Variants in NFATC1 observed in about 807,000 individuals in gnomAD.
The protein encoded by NFATC1 is nuclear factor of activated T cells 1, also known as nuclear factor of activated T-cells, cytoplasmic 1.
NFATC1 carries 22 observed loss-of-function variants against 76.0 expected under a neutral mutation model. That is an observed-to-expected ratio of 0.29 (90% confidence interval 0.21 to 0.41). The LOEUF is 0.41. Among genes scored for constraint, NFATC1 ranks in the 10% least tolerant of loss-of-function variants. The probability of loss-of-function intolerance (pLI) is 1.00; values close to 1 mark genes in which losing one functional copy is unlikely to be tolerated. For missense variants in NFATC1, 1,357 were observed against 1,337.7 expected, an observed-to-expected ratio of 1.01 and a Z score of -0.23; for synonymous variants, 704 against 613.1, an observed-to-expected ratio of 1.15 and a Z score of -2.19.
intron 7 of NFATC1, among the ~76,000 whole-genome samples, chr18:79,464,779 C>T (rs988753517): frequency 1.3e-5 from 2 of 148,894 alleles, no homozygotes; most frequent in South Asian, 2.1e-4. Context: ...GATCATGGCT[C>T]ACTGCAGCCT....
intron 8 of NFATC1, chr18:79,470,108 C>T (rs1489973040): frequency 3.5e-6 from 2 of 563,862 alleles, no homozygotes; most frequent in Non-Finnish European, 4.5e-6. Flanking sequence ...GCTCCAGGAC[C>T]TGCGTCCTCC....
At chr18:79,407,567 C>A (rs1365225843) in intron 1 of NFATC1, among the ~76,000 whole-genome samples, 1 of 152,216 alleles carries the variant, frequency 6.6e-6, no homozygotes, top group Non-Finnish European at 1.5e-5. Flanking sequence ...GCTGCCTCAG[C>A]CTCCCAAGTA....
chr18:79,422,402 G>C (rs2086125279), intron 2 of NFATC1: 1 of 151,994 alleles, frequency 6.6e-6, no homozygotes, highest in African/African-American at 2.4e-5. Context: ...TCCGAGAAGA[G>C]TCCGCGTGTG....
At chr18:79,435,342 T>TGGTTTTG (rs2086734985) in intron 3 of NFATC1, among the ~76,000 whole-genome samples, 1 of 149,984 alleles carries the variant, frequency 6.7e-6, no homozygotes, top group African/African-American at 2.5e-5. Flanking sequence ...TTTTGTTTTT[T>TGGTTTTG]GGTTTGTTTG....
At chr18:79,415,813 G>A (rs2085857424) in intron 2 of NFATC1, among the ~76,000 whole-genome samples, 1 of 151,994 alleles carries the variant, frequency 6.6e-6, no homozygotes, top group African/African-American at 2.4e-5. Flanking sequence ...TGTAATCCCA[G>A]CACTTTGGGA....
intron 2 of NFATC1, among the ~76,000 whole-genome samples, chr18:79,414,198 C>T (rs898629291): frequency 6.6e-6 from 1 of 152,106 alleles, no homozygotes; most frequent in Non-Finnish European, 1.5e-5. Context: ...AATGCCTCTC[C>T]GTCGGTCACA....
At chr18:79,514,333 G>A (rs1313612720) in intron 9 of NFATC1, among the ~76,000 whole-genome samples, 1 of 151,964 alleles carries the variant, frequency 6.6e-6, no homozygotes, top group African/African-American at 2.4e-5. Flanking sequence ...CCAGCTACTT[G>A]AGAGGCTGAC....
At chr18:79,400,423 T>C (rs771626582) in intron 1 of NFATC1, 1 of 1,495,664 alleles carries the variant, frequency 6.7e-7, no homozygotes, top group Admixed American at 2.3e-5. Flanking sequence ...GAGTTCGACT[T>C]CGAGTTCCTC....
At chr18:79,453,332 C>T (rs1482647882) in intron 6 of NFATC1, among the ~76,000 whole-genome samples, 1 of 152,236 alleles carries the variant, frequency 6.6e-6, no homozygotes, top group Non-Finnish European at 1.5e-5. Context: ...AGCCTCCCCC[C>T]GAATGCAGTC....
rs771305907 is a variant in NFATC1 at position 79,448,769 on chromosome 18, G to C, written c.1387-13G>C. On this transcript the variant is annotated splice_polypyrimidine_tract_variant and intron_variant, in intron 3 of 9. Transcript: ENST00000427363. ...TCTGGGTGCTGAGCAGGTGTTTTCTGTTCTCTCGCCAGCTGCATGGCTACT... is the reference window on the plus strand; with the variant it reads ...TCTGGGTGCTGAGCAGGTGTTTTCTCTTCTCTCGCCAGCTGCATGGCTACT... The C allele has an allele frequency of 3.6e-5, 58 of 1,611,070 alleles. 1 individual carries two copies. In the South Asian group the frequency reaches 6.0e-4, roughly 17 times the overall value.
rs201863736 is a variant in NFATC1 at position 79,486,243 on chromosome 18, C to T, written c.2093-5C>T. 16 of 1,589,146 alleles carry T rather than the reference C, an allele frequency of 1.0e-5. No individual in the cohort carries two copies. Among genetic ancestry groups the T allele is most frequent in the African/African-American group, 4.1e-5 (3 of 74,028 alleles). On this transcript the variant is annotated splice_region_variant and splice_polypyrimidine_tract_variant and intron_variant, in intron 8 of 9. Coordinates refer to ENST00000427363, the MANE Select transcript of NFATC1 (RefSeq NM_001278669.2). Reference sequence around the variant, plus strand: ...TTTATTTAATTTTTTTTTTCCTTCTCACAGTTCCAATTATAAAAACAGAAC... The same window carrying T: ...TTTATTTAATTTTTTTTTTCCTTCTTACAGTTCCAATTATAAAAACAGAAC...
At chr18:79,418,045 C>G (rs187933242) in intron 2 of NFATC1, among the ~76,000 whole-genome samples, 1 of 152,004 alleles carries the variant, frequency 6.6e-6, no homozygotes, top group African/African-American at 2.4e-5. Flanking sequence ...AGTTTCATTG[C>G]GATGTTGGAA....
intron 1 of NFATC1, 89 bp downstream of exon 1, chr18:79,396,440 G>GA: frequency 1.0e-5 from 9 of 901,552 alleles, no homozygotes; most frequent in Non-Finnish European, 1.3e-5. Context: ...CGCCCGCACG[G>GA]AGGGGTCCGG....
intron 1 of NFATC1, among the ~76,000 whole-genome samples, chr18:79,397,559 T>C (rs1450584327): frequency 6.6e-6 from 1 of 152,204 alleles, no homozygotes; most frequent in Non-Finnish European, 1.5e-5. Context: ...TTCATCCCAA[T>C]GTTAGAAAAT....
At chr18:79,432,946 C>T (rs1463982234) in intron 2 of NFATC1, among the ~76,000 whole-genome samples, 4 of 152,228 alleles carry the variant, frequency 2.6e-5, no homozygotes, top group Non-Finnish European at 5.9e-5. Flanking sequence ...TCATGCAGCT[C>T]GTGTCCCTCT....
rs551738858 is a variant in NFATC1, at chr18:79,461,469, G to C, written c.1959+103G>C. On this transcript the variant is annotated intron_variant, in intron 7 of 9. Transcript: ENST00000427363. Reference sequence around the variant, plus strand: ...GGTCCCCAGGCCTTGGGAGGCTGGGGTTCCTGTTTCTTAGAATGAAACAAA... The same window carrying C: ...GGTCCCCAGGCCTTGGGAGGCTGGGCTTCCTGTTTCTTAGAATGAAACAAA... 617 of 1,078,998 alleles carry C rather than the reference G, an allele frequency of 5.7e-4. 4 individuals carry two copies. Among genetic ancestry groups the C allele is most frequent in the Middle Eastern group, 2.6e-3 (11 of 4,170 alleles). 66.8% of individuals were successfully genotyped at this position (1,078,998 alleles called of 1,614,324 possible). A position where few individuals can be genotyped will look rare whatever the true frequency, so the allele number is the denominator to read the frequency against.
intron 9 of NFATC1, among the ~76,000 whole-genome samples, chr18:79,525,630 A>C (rs577624649): frequency 9.9e-5 from 15 of 152,138 alleles, no homozygotes; most frequent in Non-Finnish European, 1.9e-4. Context: ...TAGTGTCCCC[A>C]CCTTTCCCCT....
At chr18:79,431,146 G>A (rs979577730) in intron 2 of NFATC1, among the ~76,000 whole-genome samples, 2 of 152,220 alleles carry the variant, frequency 1.3e-5, no homozygotes, top group African/African-American at 4.8e-5. Context: ...GAGCGGAGGT[G>A]GGTGGTGAGC....
chr18:79,413,644 T>C (rs1478423395), intron 2 of NFATC1, among the ~76,000 whole-genome samples: 1 of 152,228 alleles, frequency 6.6e-6, no homozygotes, highest in Non-Finnish European at 1.5e-5. Context: ...GGGAGCACCG[T>C]TCGGCTGCCT....
Sources: allele counts gnomAD v4.1 joint callset (sites outside exome capture counted in the v4.1 genomes callset), GRCh38; gene constraint gnomAD v4.1.1; transcripts MANE v1.5; gene names NCBI Gene and HGNC (gene_info 2026-07-23, HGNC 2026-07-21).